Variants in HIVEP3 observed in about 807,000 individuals in gnomAD.
HIVEP3 encodes HIVEP zinc finger 3.
Under a neutral mutation model 152.8 loss-of-function variants are expected in HIVEP3, and 49 were observed. That is an observed-to-expected ratio of 0.32 (90% CI 0.26 to 0.41). HIVEP3 has a LOEUF of 0.41. HIVEP3 is among the 10% of genes least tolerant of loss of function. The pLI, the probability that HIVEP3 is intolerant of heterozygous loss-of-function variation, is 1.00. For synonymous variants in HIVEP3, 1,269 were observed against 1,289.0 expected, an observed-to-expected ratio of 0.98 and a Z score of 0.33; for missense variants, 2,790 against 3,103.3, an observed-to-expected ratio of 0.90 and a Z score of 2.40.
chr1:41,573,619 C>T (rs1644283565), intron 5 of HIVEP3, among the ~76,000 whole-genome samples: 1 of 152,198 alleles, frequency 6.6e-6, no homozygotes, highest in Non-Finnish European at 1.5e-5. Flanking sequence ...TAGTAAAATG[C>T]ACCAATGTCC....
intron 1 of HIVEP3, among the ~76,000 whole-genome samples, chr1:41,807,455 G>A (rs1323673062): frequency 1.3e-5 from 2 of 152,200 alleles, no homozygotes; most frequent in African/African-American, 4.8e-5. Context: ...CAGAGGGAGT[G>A]AGGGAAGGAG....
chr1:41,765,175 T>C (rs372101197), intron 1 of HIVEP3, among the ~76,000 whole-genome samples: 7 of 152,278 alleles, frequency 4.6e-5, no homozygotes, highest in African/African-American at 1.7e-4. Flanking sequence ...GATTTCTGAG[T>C]GTACTTTGGC....
intron 1 of HIVEP3, among the ~76,000 whole-genome samples, chr1:41,916,549 A>G (rs954737382): frequency 6.6e-6 from 1 of 152,170 alleles, no homozygotes; most frequent in Non-Finnish European, 1.5e-5. Flanking sequence ...TCCTGCCTGC[A>G]GGTGTCTTAG....
At chr1:41,588,722 G>A (rs545260637) in intron 3 of HIVEP3, among the ~76,000 whole-genome samples, 1 of 152,288 alleles carries the variant, frequency 6.6e-6, no homozygotes, top group African/African-American at 2.4e-5. Flanking sequence ...TGGCTGCCAG[G>A]GCGCAGAGTG....
chr1:41,802,485 G>C (rs1222489089), intron 1 of HIVEP3, among the ~76,000 whole-genome samples: 3 of 152,090 alleles, frequency 2.0e-5, no homozygotes, highest in Non-Finnish European at 4.4e-5. Flanking sequence ...TAAAATGCTG[G>C]GATTACTGGC....
intron 2 of HIVEP3, among the ~76,000 whole-genome samples, chr1:41,695,953 C>T (rs189717145): frequency 6.2e-4 from 94 of 152,314 alleles, no homozygotes; most frequent in Non-Finnish European, 9.3e-4. Context: ...CCCACATCCA[C>T]GGTCAAGTCC....
chr1:41,644,758 A>G (rs1036921026), intron 2 of HIVEP3, among the ~76,000 whole-genome samples: 8 of 107,288 alleles, frequency 7.5e-5, no homozygotes, highest in Admixed American at 7.0e-4. Flanking sequence ...TATCATTCTC[A>G]TTTTGCAGAG....
At chr1:41,558,472 G>A (rs1434199858) in intron 5 of HIVEP3, among the ~76,000 whole-genome samples, 1 of 152,214 alleles carries the variant, frequency 6.6e-6, no homozygotes, top group Non-Finnish European at 1.5e-5. Flanking sequence ...ATTTGGGGAA[G>A]CCTAGATGCT....
chr1:41,874,900 C>T (rs1477112405), intron 1 of HIVEP3, among the ~76,000 whole-genome samples: 3 of 152,208 alleles, frequency 2.0e-5, no homozygotes, highest in African/African-American at 4.8e-5. Flanking sequence ...CTCCCAGCTG[C>T]TCACACACAA....
chr1:41,866,903 G>A (rs1319597673), intron 1 of HIVEP3, among the ~76,000 whole-genome samples: 2 of 152,206 alleles, frequency 1.3e-5, no homozygotes, highest in Non-Finnish European at 1.5e-5. Context: ...CTTAAACCTT[G>A]ACTGTGTCTT....
At chr1:41,519,641 G>T (rs181335784) in intron 6 of HIVEP3, among the ~76,000 whole-genome samples, 50 of 152,358 alleles carry the variant, frequency 3.3e-4, no homozygotes, top group African/African-American at 1.1e-3. Flanking sequence ...AGTTTGAATG[G>T]ATGGATGGAG....
chr1:41,742,958 A>G (rs1195344017), intron 1 of HIVEP3, among the ~76,000 whole-genome samples: 1 of 152,158 alleles, frequency 6.6e-6, no homozygotes, highest in Non-Finnish European at 1.5e-5. Context: ...TCTGTTTCAC[A>G]TCTGTAAAAT....
Position 41,943,435 on chromosome 1 carries a change from A to G in HIVEP3, n.120-24911T>C, listed in dbSNP as rs1194190967. Among the ~76,000 whole-genome samples the G allele has an allele frequency of 3.3e-5, 5 of 152,330 alleles. No individual in the cohort carries two copies. In the East Asian group the frequency reaches 9.6e-4, roughly 29 times the overall value. ...AAACAAAGTAATCTATAAAAATCAAAACAATCTGAAATACTCAGTGGCTTC... is the reference window on the plus strand; with the variant it reads ...AAACAAAGTAATCTATAAAAATCAAGACAATCTGAAATACTCAGTGGCTTC... On this transcript the variant is annotated intron_variant and non_coding_transcript_variant, in intron 1 of 3. Transcript: ENST00000489103.
intron 1 of HIVEP3, among the ~76,000 whole-genome samples, chr1:41,859,596 C>T (rs1254050777): frequency 6.6e-6 from 1 of 152,156 alleles, no homozygotes; most frequent in African/African-American, 2.4e-5. Context: ...CTGAAGTTAC[C>T]AAGCCAAAGG....
chr1:41,900,214 T>A (rs1444398347), intron 1 of HIVEP3, among the ~76,000 whole-genome samples: 1 of 152,194 alleles, frequency 6.6e-6, no homozygotes, highest in East Asian at 1.9e-4. Flanking sequence ...CTCAGTTTCC[T>A]CACCTTTAAA....
At position 41,513,208 on chromosome 1, in the gene HIVEP3, C is replaced by A; in HGVS notation, c.6013G>T (p.Ala2005Ser). The A allele has an allele frequency of 6.2e-7, 1 of 1,613,680 alleles. No homozygotes were observed. The highest frequency in any genetic ancestry group is 8.5e-7 in the Non-Finnish European group (1 of 1,179,894). The change falls in exon 8 of 9, where the codon GCC becomes TCC. Residue 2005 changes from alanine to serine, a missense_variant. Physicochemically the swap from Ala to Ser is moderately conservative, Grantham distance 99. Around this residue, in one of 9 missense-constraint regions of HIVEP3, gnomAD observed 816 missense variants for 806.5 expected, o/e 1.01. Coordinates refer to ENST00000372583, the MANE Select transcript of HIVEP3 (RefSeq NM_024503.5). ...QRCSPAREPQ[A>S]SAPSPPGLHV... ...AGGCCAGGTGGGCTTGGGGCTGAGG[C>A]CTGTGGTTCTCGGGCCGGGGAGCAT...
At chr1:41,594,423 A>G (rs1456715326) in intron 3 of HIVEP3, among the ~76,000 whole-genome samples, 3 of 151,994 alleles carry the variant, frequency 2.0e-5, no homozygotes, top group Non-Finnish European at 2.9e-5. Context: ...GGGTTTCACC[A>G]TGGCGGCCAG....
At chr1:41,709,945 G>A (rs1427600816) in intron 1 of HIVEP3, among the ~76,000 whole-genome samples, 1 of 152,206 alleles carries the variant, frequency 6.6e-6, no homozygotes, top group Non-Finnish European at 1.5e-5. Flanking sequence ...CGTGTCTGGA[G>A]TGGGGCAGGG....
intron 7 of HIVEP3, 123 bp downstream of exon 7, chr1:41,518,279 G>A: frequency 2.5e-6 from 2 of 801,868 alleles, no homozygotes; most frequent in Non-Finnish European, 4.5e-6. Flanking sequence ...GAGGGAGAGA[G>A]GGGAGGAGGG....
Sources: allele counts gnomAD v4.1 joint callset (sites outside exome capture counted in the v4.1 genomes callset), GRCh38; gene constraint gnomAD v4.1.1; regional missense constraint gnomAD v4.1.1; transcripts MANE v1.5; gene names NCBI Gene and HGNC (gene_info 2026-07-23, HGNC 2026-07-21).